ZMYM2: variants seen among roughly 807,000 people sequenced by gnomAD.
ZMYM2 encodes the protein zinc finger MYM-type containing 2.
A neutral mutation model predicts 162.8 loss-of-function variants in ZMYM2; 56 were observed. The observed-to-expected ratio is 0.34, with a 90% CI of 0.28 to 0.43. The LOEUF is 0.43. Among genes scored for constraint, ZMYM2 ranks in the 20% least tolerant of loss-of-function variants. The probability of loss-of-function intolerance (pLI) is 1.00; values close to 1 mark genes in which losing one functional copy is unlikely to be tolerated. For missense variants in ZMYM2, 1,275 were observed against 1,621.8 expected, an observed-to-expected ratio of 0.79 and a Z score of 3.67; for synonymous variants, 510 against 541.6, an observed-to-expected ratio of 0.94 and a Z score of 0.81.
upstream of ZMYM2, among the ~76,000 whole-genome samples, chr13:19,958,221 A>G (rs1407903505): frequency 1.3e-5 from 2 of 152,120 alleles, no homozygotes; most frequent in South Asian, 2.1e-4. Flanking sequence ...CGCCCCTCGC[A>G]GGGGCCTTCA....
At chr13:20,034,740 C>T (rs1953522531) in intron 11 of ZMYM2, among the ~76,000 whole-genome samples, 1 of 152,114 alleles carries the variant, frequency 6.6e-6, no homozygotes, top group South Asian at 2.1e-4. Context: ...CTCCATTTTC[C>T]CTGCCCAGCT....
the ZMYM2 span, among the ~76,000 whole-genome samples, chr13:19,875,810 G>A: frequency 6.6e-6 from 1 of 151,774 alleles, no homozygotes; most frequent in Admixed American, 6.6e-5. Flanking sequence ...AATAGACTCT[G>A]GGGACTCTAA....
the ZMYM2 span, among the ~76,000 whole-genome samples, chr13:19,936,790 G>A: frequency 2.0e-5 from 3 of 151,928 alleles, no homozygotes; most frequent in East Asian, 3.9e-4. Context: ...AGCCAATTAG[G>A]AGAGGTTTTC....
At chr13:20,061,010 T>C in intron 16 of ZMYM2, 43 bp from the exon 17 acceptor site, 1 of 1,552,666 alleles carries the variant, frequency 6.4e-7, no homozygotes. Flanking sequence ...AAAATACCTT[T>C]TAATGTTTAG....
chr13:19,979,295 A>G (rs1426136479), intron 2 of ZMYM2, among the ~76,000 whole-genome samples: 1 of 152,116 alleles, frequency 6.6e-6, no homozygotes, highest in East Asian at 1.9e-4. Context: ...TATCATCATC[A>G]TATTAGGGCA....
At chr13:20,006,641 T>G (rs1461658629) in intron 6 of ZMYM2, 55 bp downstream of exon 6, 1 of 1,536,468 alleles carries the variant, frequency 6.5e-7, no homozygotes, top group Non-Finnish European at 8.9e-7. Context: ...TTGAAAGTGT[T>G]GTAATACTTT....
At position 20,089,020 on chromosome 13, in the gene ZMYM2, T is replaced by TACAGTC. The variant is rs1958419666; in HGVS notation, c.*3007_*3008insCAGTCA. ...ATACATGTCACTTATGTTTTTAAGC[T>TACAGTC]AATATTGACTGTAGGATAATCTCCT... is the stretch of plus-strand genomic sequence containing the variant. On this transcript the variant is annotated 3_prime_UTR_variant, in exon 25 of 25. Transcript: ENST00000610343. 1.5e-5 allele frequency: 3 copies of TACAGTC among 197,568 alleles called. No homozygotes were observed. Among genetic ancestry groups the TACAGTC allele is most frequent in the Admixed American group, 6.1e-5 (1 of 16,510 alleles). The allele number at this position is 197,568 out of a possible 1,614,324, so 12.2% of individuals were successfully genotyped here.
At chr13:20,043,470 A>G (rs930779739) in intron 12 of ZMYM2, among the ~76,000 whole-genome samples, 4 of 151,510 alleles carry the variant, frequency 2.6e-5, no homozygotes, top group Non-Finnish European at 5.9e-5. Context: ...GGAGTGGGGA[A>G]CCCCTGTTGG....
At chr13:20,004,960 A>G (rs1490251613) in intron 4 of ZMYM2, 114 bp from the exon 5 acceptor site, 1 of 740,118 alleles carries the variant, frequency 1.4e-6, no homozygotes, top group African/African-American at 1.9e-5. Flanking sequence ...ATTAGATCCA[A>G]GAATGATGTT....
intron 19 of ZMYM2, among the ~76,000 whole-genome samples, chr13:20,065,157 A>G (rs764783087): frequency 8.5e-5 from 13 of 152,166 alleles, no homozygotes; most frequent in Non-Finnish European, 1.3e-4. Flanking sequence ...CTGACTTCCA[A>G]CATAAAGCAG....
intron 13 of ZMYM2, 33 bp downstream of exon 13, chr13:20,051,631 C>G: frequency 6.3e-7 from 1 of 1,579,790 alleles, no homozygotes; most frequent in African/African-American, 1.4e-5. Flanking sequence ...ACTTGAAAAC[C>G]CTGTACATCA....
At chr13:20,067,049 T>A (rs1956733727) in intron 20 of ZMYM2, 30 bp downstream of exon 20, 19 of 1,543,460 alleles carry the variant, frequency 1.2e-5, no homozygotes, top group Non-Finnish European at 1.7e-5. Context: ...TTCTCCTAAG[T>A]CCTATTTAAA....
At chr13:20,065,518 G>A (rs1378746789) in intron 19 of ZMYM2, among the ~76,000 whole-genome samples, 1 of 152,074 alleles carries the variant, frequency 6.6e-6, no homozygotes, top group Non-Finnish European at 1.5e-5. Flanking sequence ...TGAAAAGGGG[G>A]CCAGGCACAG....
At chr13:19,969,492 A>T (rs149575130) in intron 2 of ZMYM2, among the ~76,000 whole-genome samples, 170 of 152,222 alleles carry the variant, frequency 1.1e-3, no homozygotes, top group African/African-American at 3.9e-3. Flanking sequence ...GGAACTTGTG[A>T]TGAGAGTGCT....
intron 12 of ZMYM2, among the ~76,000 whole-genome samples, chr13:20,048,209 A>G (rs1954992221): frequency 1.3e-5 from 2 of 152,034 alleles, no homozygotes; most frequent in Non-Finnish European, 2.9e-5. Flanking sequence ...GCCCTCTAAT[A>G]GTCTTAACAG....
At chr13:19,988,155 T>C (rs1346674396) in intron 2 of ZMYM2, among the ~76,000 whole-genome samples, 1 of 152,196 alleles carries the variant, frequency 6.6e-6, no homozygotes, top group Non-Finnish European at 1.5e-5. Flanking sequence ...CTCAAAGGGG[T>C]TGTCACAGTT....
At chr13:20,004,129 A>C (rs1566271296) in intron 4 of ZMYM2, among the ~76,000 whole-genome samples, 1 of 152,254 alleles carries the variant, frequency 6.6e-6, no homozygotes, top group African/African-American at 2.4e-5. Context: ...TGTTTAATAA[A>C]TTCAAATACT....
intron 2 of ZMYM2, among the ~76,000 whole-genome samples, chr13:19,975,378 T>C (rs1956692408): frequency 6.6e-6 from 1 of 152,226 alleles, no homozygotes; most frequent in African/African-American, 2.4e-5. Flanking sequence ...GTAACTTCTG[T>C]TCTACCTTCT....
chr13:19,902,018 G>A, the ZMYM2 span, among the ~76,000 whole-genome samples: 1 of 152,046 alleles, frequency 6.6e-6, no homozygotes, highest in East Asian at 1.9e-4. Flanking sequence ...CAAATGCCTT[G>A]CCTCAAGCGA....
Sources: allele counts gnomAD v4.1 joint callset (sites outside exome capture counted in the v4.1 genomes callset), GRCh38; gene constraint gnomAD v4.1.1; transcripts MANE v1.5; gene names NCBI Gene and HGNC (gene_info 2026-07-23, HGNC 2026-07-21).